Variants in ADAMTS19 observed in about 807,000 individuals in gnomAD.
The protein encoded by ADAMTS19 is ADAM metallopeptidase with thrombospondin type 1 motif 19.
ADAMTS19 carries 93 observed loss-of-function variants against 153.3 expected under a neutral mutation model. That is an observed-to-expected ratio of 0.61 (90% CI 0.51 to 0.72). ADAMTS19 has a LOEUF of 0.72. Ranked by LOEUF, ADAMTS19 falls within the 30% of genes least tolerant of loss-of-function variation. ADAMTS19 has a pLI of 0.00. For synonymous variants in ADAMTS19, 600 were observed against 556.6 expected (o/e 1.08, Z -1.10); for missense variants, 1,482 against 1,552.1 (o/e 0.95, Z 0.76).
intron 6 of ADAMTS19, among the ~76,000 whole-genome samples, chr5:129,548,597 A>C (rs568754937): frequency 0.05 from 7,400 of 148,650 alleles, 285 homozygotes; most frequent in Non-Finnish European, 0.073. Context: ...ACTAGTTCAA[A>C]CATTGTGGAA....
intron 21 of ADAMTS19, among the ~76,000 whole-genome samples, chr5:129,717,593 A>C (rs1398491200): frequency 1.3e-5 from 2 of 152,342 alleles, no homozygotes; most frequent in East Asian, 3.9e-4. Flanking sequence ...AAAAAAGTTG[A>C]GTTTCAAGGA....
At chr5:129,582,533 T>TG (rs1415948137) in intron 7 of ADAMTS19, among the ~76,000 whole-genome samples, 3 of 151,996 alleles carry the variant, frequency 2.0e-5, no homozygotes, top group Non-Finnish European at 4.4e-5. Flanking sequence ...TGATAAGTGT[T>TG]GACTATCCAA....
At chr5:129,596,811 C>T (rs143394776) in intron 8 of ADAMTS19, 147 bp downstream of exon 8, 1 of 543,612 alleles carries the variant, frequency 1.8e-6, no homozygotes, top group East Asian at 3.0e-5. Flanking sequence ...AGACTGACTA[C>T]ATTTAAAGAA....
Position 129,461,062 on chromosome 5 carries a change from G to T in ADAMTS19, c.92-40G>T. The T allele has an allele frequency of 7.5e-7, 1 of 1,331,148 alleles. No individual in the cohort carries two copies. The highest frequency in any genetic ancestry group is 2.0e-5 in the South Asian group (1 of 49,624). 82.5% of individuals were successfully genotyped at this position (1,331,148 alleles called of 1,614,324 possible). ...GAAATGTTTGTGCTACTGGAACCGCGGCACTTTAAGCCCCGCACTTCTGTC... is the reference window on the plus strand; with the variant it reads ...GAAATGTTTGTGCTACTGGAACCGCTGCACTTTAAGCCCCGCACTTCTGTC... On this transcript the variant is annotated intron_variant, in intron 1 of 22. Transcript: ENST00000274487. This position sits in a 1 kb window ranked among gnomAD's most constrained non-coding sequence, Gnocchi z 4.6.
At chr5:129,590,247 A>G (rs150716416) in intron 7 of ADAMTS19, among the ~76,000 whole-genome samples, 3,038 of 152,206 alleles carry the variant, frequency 0.02, 46 homozygotes, top group Non-Finnish European at 0.03. Context: ...TCATGATTTT[A>G]TCTCTCCAGA....
chr5:129,535,594 G>C (rs562638309), intron 6 of ADAMTS19, among the ~76,000 whole-genome samples: 14 of 152,060 alleles, frequency 9.2e-5, no homozygotes, highest in African/African-American at 3.4e-4. Context: ...AAAAGAGCCC[G>C]CATTGCCAAG....
intron 7 of ADAMTS19, among the ~76,000 whole-genome samples, chr5:129,587,989 CT>C (rs140387614): frequency 0.028 from 4,274 of 152,150 alleles, 200 homozygotes; most frequent in African/African-American, 0.097. Flanking sequence ...AACTTCTAGT[CT>C]TTTTTGTTTC....
intron 2 of ADAMTS19, among the ~76,000 whole-genome samples, chr5:129,504,974 G>A (rs191528677): frequency 1.3e-5 from 2 of 151,868 alleles, no homozygotes; most frequent in East Asian, 3.9e-4. Context: ...TGTTAATAGT[G>A]GTGCAATAAA....
intron 7 of ADAMTS19, among the ~76,000 whole-genome samples, chr5:129,576,185 G>A (rs1002321570): frequency 6.6e-6 from 1 of 151,960 alleles, no homozygotes; most frequent in African/African-American, 2.4e-5. Flanking sequence ...TCAAAGAGCA[G>A]AATTTAGAAA....
At chr5:129,639,872 A>G (rs1457540135) in intron 10 of ADAMTS19, among the ~76,000 whole-genome samples, 1 of 152,176 alleles carries the variant, frequency 6.6e-6, no homozygotes, top group Non-Finnish European at 1.5e-5. Context: ...TAGAATCAAA[A>G]ATGCTCAGGT....
chr5:129,515,198 A>G (rs1751559265), intron 3 of ADAMTS19, among the ~76,000 whole-genome samples: 4 of 152,048 alleles, frequency 2.6e-5, no homozygotes, highest in Admixed American at 2.6e-4. Flanking sequence ...GTAGCTCTGT[A>G]GTACAATTTG....
intron 18 of ADAMTS19, among the ~76,000 whole-genome samples, chr5:129,689,037 T>G (rs1755214459): frequency 6.6e-6 from 1 of 152,212 alleles, no homozygotes; most frequent in South Asian, 2.1e-4. Context: ...CAGCATTAAC[T>G]GCATAACTTT....
intron 21 of ADAMTS19, among the ~76,000 whole-genome samples, chr5:129,730,882 G>T (rs998901262): frequency 2.6e-5 from 4 of 152,110 alleles, no homozygotes; most frequent in African/African-American, 9.7e-5. Flanking sequence ...TTAGGATAAT[G>T]TGGAAGCTTT....
At position 129,552,829 on chromosome 5, in the gene ADAMTS19, A is replaced by G. The variant is rs890602891; in HGVS notation, c.1372+922A>G. On this transcript the variant is annotated intron_variant, in intron 7 of 22. Coordinates refer to ENST00000274487, the MANE Select transcript of ADAMTS19 (RefSeq NM_133638.6). ...CCTCATATGTTTAAAATCTTAGATAATGTAAGGATTTTTGACATGTATTAT... is the reference window on the plus strand; with the variant it reads ...CCTCATATGTTTAAAATCTTAGATAGTGTAAGGATTTTTGACATGTATTAT... 2.6e-5 allele frequency among the ~76,000 whole-genome samples: 4 copies of G among 152,074 alleles called. No individual in the cohort carries two copies. In the South Asian group the frequency reaches 8.3e-4, roughly 32 times the overall value.
At chr5:129,644,610 T>G (rs1197600351) in intron 11 of ADAMTS19, among the ~76,000 whole-genome samples, 1 of 152,148 alleles carries the variant, frequency 6.6e-6, no homozygotes, top group Non-Finnish European at 1.5e-5. Context: ...TTTCTTCTCT[T>G]TTTATAATTT....
chr5:129,613,868 C>A (rs891630169), intron 8 of ADAMTS19, among the ~76,000 whole-genome samples: 33 of 152,084 alleles, frequency 2.2e-4, no homozygotes, highest in Non-Finnish European at 3.4e-4. Context: ...CCATCGATCC[C>A]ACAGAAATAC....
intron 13 of ADAMTS19, among the ~76,000 whole-genome samples, chr5:129,650,035 T>A (rs1430074806): frequency 6.6e-6 from 1 of 151,702 alleles, no homozygotes; most frequent in Non-Finnish European, 1.5e-5. Context: ...GAAAAAAAAA[T>A]TAGCTGGGTG....
chr5:129,626,164 C>T (rs1752036313), intron 10 of ADAMTS19, among the ~76,000 whole-genome samples: 1 of 152,036 alleles, frequency 6.6e-6, no homozygotes, highest in African/African-American at 2.4e-5. Flanking sequence ...AATGCTAGAT[C>T]CAAACTCAGA....
intron 7 of ADAMTS19, among the ~76,000 whole-genome samples, chr5:129,590,533 C>G (rs1404285835): frequency 2.0e-5 from 3 of 152,152 alleles, no homozygotes; most frequent in Non-Finnish European, 4.4e-5. Context: ...TTCATAAAAA[C>G]TGCACGTTAA....
Sources: allele counts gnomAD v4.1 joint callset (sites outside exome capture counted in the v4.1 genomes callset), GRCh38; gene constraint gnomAD v4.1.1; non-coding constraint Gnocchi (gnomAD v3.1); transcripts MANE v1.5; gene names NCBI Gene and HGNC (gene_info 2026-07-23, HGNC 2026-07-21).